The following ZFP91 variants were observed in gnomAD, a reference collection of about 807,000 sequenced individuals.
ZFP91 encodes the protein E3 ubiquitin-protein ligase ZFP91.
A neutral mutation model predicts 63.5 loss-of-function variants in ZFP91; 7 were observed. The ratio of observed to expected loss-of-function variants is 0.11; its 90% CI spans 0.06 to 0.21. The LOEUF is 0.21. Ranked by LOEUF, ZFP91 falls within the 10% of genes least tolerant of loss-of-function variation. The pLI is 1.00. For missense variants in ZFP91, 628 were observed against 736.6 expected (o/e 0.85, Z 1.71); for synonymous variants, 330 against 272.1 (o/e 1.21, Z -2.10).
In ZFP91 at chr11:58,614,293, G is replaced by A. The variant is rs1490587731; in HGVS notation, c.1052G>A (p.Arg351Gln). ...KYVCPHPSCG[R>Q]LFRLQKQLLR... ...GTATGTCCCCATCCCTCCTGTGGAC[G>A]ACTCTTCAGGCTTCAGAAGCAACTT... is the stretch of plus-strand genomic sequence containing the variant. Residue 351 changes from arginine to glutamine, a missense_variant, in exon 9 of 11, where the codon CGA (arginine) becomes CAA (glutamine). Around this residue, in one of 3 missense-constraint regions of ZFP91, gnomAD observed 76 missense variants for 230.9 expected, o/e 0.33. Transcript: ENST00000316059. 3 of 1,611,962 alleles carry A rather than the reference G, an allele frequency of 1.9e-6. No homozygotes were observed. The highest frequency in any genetic ancestry group is 1.7e-5 in the Admixed American group (1 of 59,884).
chr11:58,590,176 T>C (rs1855280461), intron 2 of ZFP91, among the ~76,000 whole-genome samples: 1 of 152,216 alleles, frequency 6.6e-6, no homozygotes, highest in South Asian at 2.1e-4. Context: ...AGAGACTTGC[T>C]TGTATCTTCA....
Position 58,614,318 on chromosome 11 carries a change from T to C in ZFP91, c.1077T>C (p.Leu359=). The C allele has an allele frequency of 6.2e-7, 1 of 1,611,918 alleles. No homozygotes were observed. Among genetic ancestry groups the C allele is most frequent in the Non-Finnish European group, 8.5e-7 (1 of 1,178,728 alleles). Residue 359 remains leucine (L), a synonymous_variant, in exon 9 of 11, where the codon CTT becomes CTC. Transcript: ENST00000316059. ...CGRLFRLQKQ[L]LRHAKHHTDQ... Reference sequence around the variant, plus strand: ...GACTCTTCAGGCTTCAGAAGCAACTTCTGCGACATGCCAAACATCATACAG... The same window carrying C: ...GACTCTTCAGGCTTCAGAAGCAACTCCTGCGACATGCCAAACATCATACAG...
intron 7 of ZFP91, chr11:58,612,533 C>T: frequency 3.2e-6 from 2 of 624,650 alleles, no homozygotes; most frequent in Non-Finnish European, 5.5e-6. Flanking sequence ...AATACTTTAC[C>T]TTTGGGGGGT....
rs202065139 is a variant in ZFP91 at position 58,579,630 on chromosome 11, A to G, written c.341+8A>G. The G allele has an allele frequency of 2.8e-4, 428 of 1,552,148 alleles. 2 individuals carry two copies. The African/African-American group carries it at 5.6e-3, about 20-fold the overall frequency. ...GAAGAGTCCGCGACTCCTGTGAGTA[A>G]CAGTCTTTCAGGCGGTGGGAAAGAC... is the stretch of plus-strand genomic sequence containing the variant. On this transcript the variant is annotated splice_region_variant and intron_variant, in intron 1 of 10. Transcript: ENST00000316059.
Position 58,579,482 on chromosome 11 carries a change from T to A in ZFP91, c.201T>A (p.Ala67=), listed in dbSNP as rs1372784241. The part of the protein sequence containing the change: ...GRAAAAAAAA[A]VSRRRKAEYP... ...CCGCTGCGGCCGCCGCCGCCGCAGC[T>A]GTGTCCCGCCGGAGGAAGGCCGAGT... Residue 67 remains alanine, a synonymous_variant, in exon 1 of 11, where the codon GCT becomes GCA. Transcript: ENST00000316059. 2.0e-6 allele frequency: 3 copies of A among 1,508,396 alleles called. No homozygotes were observed. Among genetic ancestry groups the A allele is most frequent in the Non-Finnish European group, 2.6e-6 (3 of 1,133,680 alleles). The allele number at this position is 1,508,396 out of a possible 1,614,324, so 93.4% of individuals were successfully genotyped here.
At chr11:58,605,481 T>C (rs1211190767) in intron 2 of ZFP91, among the ~76,000 whole-genome samples, 1 of 152,180 alleles carries the variant, frequency 6.6e-6, no homozygotes, top group Non-Finnish European at 1.5e-5. Flanking sequence ...TGATAATCTG[T>C]TTTTGATTTT....
intron 2 of ZFP91, among the ~76,000 whole-genome samples, chr11:58,591,341 C>A (rs974845923): frequency 2.0e-5 from 3 of 152,100 alleles, no homozygotes; most frequent in Admixed American, 1.3e-4. Context: ...GGAATATAAC[C>A]ACAGTTTAAC....
chr11:58,598,186 T>A (rs1383949539), intron 2 of ZFP91, among the ~76,000 whole-genome samples: 2 of 152,174 alleles, frequency 1.3e-5, no homozygotes, highest in African/African-American at 4.8e-5. Context: ...GGACTTTGGA[T>A]GATACCATAT....
chr11:58,620,593 A>G lies in ZFP91; in HGVS notation c.*2887A>G, dbSNP rs1043219818. 6.6e-6 allele frequency: 1 copy of G among 152,628 alleles called. No homozygotes were observed. Among genetic ancestry groups the G allele is most frequent in the African/African-American group, 2.4e-5 (1 of 41,452 alleles). 9.5% of individuals were successfully genotyped at this position (152,628 alleles called of 1,614,324 possible). A position where few individuals can be genotyped will look rare whatever the true frequency, so the allele number is the denominator to read the frequency against. On this transcript the variant is annotated 3_prime_UTR_variant, in exon 11 of 11. Transcript: ENST00000316059. Reference sequence around the variant, plus strand: ...AAACACTGGCCATGGCCGTGGGAGTACTGGGAGTAAAATAAAAATATCGAG... The same window carrying G: ...AAACACTGGCCATGGCCGTGGGAGTGCTGGGAGTAAAATAAAAATATCGAG...
intron 1 of ZFP91, among the ~76,000 whole-genome samples, chr11:58,579,971 G>A (rs1023082019): frequency 5.3e-5 from 8 of 152,050 alleles, no homozygotes; most frequent in Admixed American, 4.6e-4. Context: ...CCTTTAGGCG[G>A]CTCTCCAGTA....
chr11:58,595,322 T>C (rs73470731), intron 2 of ZFP91, among the ~76,000 whole-genome samples: 1 of 152,180 alleles, frequency 6.6e-6, no homozygotes, highest in Admixed American at 6.5e-5. Context: ...CCTTTACCTT[T>C]AGTATCTTCC....
intron 1 of ZFP91, among the ~76,000 whole-genome samples, chr11:58,582,905 A>G (rs1276407083): frequency 6.6e-6 from 1 of 152,170 alleles, no homozygotes; most frequent in Admixed American, 6.5e-5. Flanking sequence ...GTTAAATGCT[A>G]GAATCATGAT....
intron 8 of ZFP91, among the ~76,000 whole-genome samples, chr11:58,613,783 G>A (rs1855705292): frequency 6.6e-6 from 1 of 152,070 alleles, no homozygotes; most frequent in African/African-American, 2.4e-5. Context: ...GTGAAATACT[G>A]CTTAGGAAAT....
intron 2 of ZFP91, among the ~76,000 whole-genome samples, 179 bp downstream of exon 2, chr11:58,585,063 T>C (rs933501551): frequency 2.6e-5 from 4 of 152,204 alleles, no homozygotes; most frequent in Admixed American, 6.5e-5. Flanking sequence ...ATATTGGCAT[T>C]ATTTAGAAAC....
At chr11:58,593,370 T>C (rs926665798) in intron 2 of ZFP91, among the ~76,000 whole-genome samples, 14 of 152,194 alleles carry the variant, frequency 9.2e-5, no homozygotes, top group African/African-American at 3.4e-4. Context: ...ACACAAATAT[T>C]TTTCTCTGCT....
intron 1 of ZFP91, among the ~76,000 whole-genome samples, chr11:58,583,684 G>T (rs1855156469): frequency 6.6e-6 from 1 of 152,036 alleles, no homozygotes; most frequent in Admixed American, 6.6e-5. Flanking sequence ...TTTATTTAAA[G>T]ATGGGATGAT....
intron 2 of ZFP91, among the ~76,000 whole-genome samples, chr11:58,594,282 C>T (rs1304601920): frequency 1.3e-5 from 2 of 152,130 alleles, no homozygotes; most frequent in African/African-American, 4.8e-5. Flanking sequence ...TACATGTACT[C>T]GTTTCTCCTG....
intron 2 of ZFP91, among the ~76,000 whole-genome samples, chr11:58,590,539 G>A (rs1412964738): frequency 3.3e-5 from 5 of 152,040 alleles, no homozygotes; most frequent in Non-Finnish European, 7.4e-5. Context: ...TTGTATTTCT[G>A]TATATCAGCA....
chr11:58,605,406 C>T (rs1855554740), intron 2 of ZFP91, among the ~76,000 whole-genome samples: 1 of 152,178 alleles, frequency 6.6e-6, no homozygotes, highest in Admixed American at 6.5e-5. Flanking sequence ...TAAGTGCTCT[C>T]TAGTGTCCTT....
Sources: allele counts gnomAD v4.1 joint callset (sites outside exome capture counted in the v4.1 genomes callset), GRCh38; gene constraint gnomAD v4.1.1; regional missense constraint gnomAD v4.1.1; transcripts MANE v1.5; gene names NCBI Gene and HGNC (gene_info 2026-07-23, HGNC 2026-07-21).